The following MAP3K20 variants were observed in gnomAD, a reference collection of about 807,000 sequenced individuals.
The protein encoded by MAP3K20 is HCCS-4.
A neutral mutation model predicts 85.7 loss-of-function variants in MAP3K20; 40 were observed. That is an observed-to-expected ratio of 0.47 (90% CI 0.36 to 0.61). MAP3K20 has a LOEUF of 0.61. Ranked by LOEUF, MAP3K20 falls within the 20% of genes least tolerant of loss-of-function variation. The probability of loss-of-function intolerance (pLI) is 0.00; values close to 1 mark genes in which losing one functional copy is unlikely to be tolerated. For synonymous variants in MAP3K20, 325 were observed against 327.7 expected (o/e 0.99, Z 0.09); for missense variants, 817 against 961.7 (o/e 0.85, Z 1.99).
At chr2:173,099,330 G>GTT (rs1379936940) in intron 2 of MAP3K20, among the ~76,000 whole-genome samples, 2 of 106,730 alleles carry the variant, frequency 1.9e-5, no homozygotes, top group African/African-American at 8.9e-5. Flanking sequence ...TTTGTGTTTT[G>GTT]TTTTGTTTTT....
intron 2 of MAP3K20, among the ~76,000 whole-genome samples, chr2:173,132,972 G>T (rs1688660211): frequency 6.6e-6 from 1 of 152,120 alleles, no homozygotes; most frequent in Non-Finnish European, 1.5e-5. Context: ...CATACAGTAG[G>T]TACTCAAAAG....
chr2:173,121,598 A>G (rs1688291823), intron 2 of MAP3K20, among the ~76,000 whole-genome samples: 2 of 151,948 alleles, frequency 1.3e-5, no homozygotes, highest in Admixed American at 6.6e-5. Flanking sequence ...CGTGTTAGCC[A>G]GGATGGTCTC....
Position 173,235,126 on chromosome 2 carries a change from T to C in MAP3K20, c.1203+2667T>C, listed in dbSNP as rs554346088. Among the ~76,000 whole-genome samples, 6 of 152,174 alleles carry C rather than the reference T, an allele frequency of 3.9e-5. No homozygotes were observed. In the South Asian group the frequency reaches 8.3e-4, roughly 21 times the overall value. ...AAGAATTTACCAAGACAGTCGTAGG[T>C]AAAGAAAGGCAGATTTATTAGAGAA... On this transcript the variant is annotated intron_variant, in intron 14 of 19. Coordinates refer to ENST00000375213, the MANE Select transcript of MAP3K20 (RefSeq NM_016653.3).
At chr2:173,256,056 C>T (rs960112203) in intron 16 of MAP3K20, among the ~76,000 whole-genome samples, 5 of 152,250 alleles carry the variant, frequency 3.3e-5, no homozygotes, top group Non-Finnish European at 7.3e-5. Flanking sequence ...CTTCACTAAT[C>T]GGCTTTCCGT....
At chr2:173,196,334 C>A (rs1217025551) in intron 7 of MAP3K20, among the ~76,000 whole-genome samples, 1 of 152,142 alleles carries the variant, frequency 6.6e-6, no homozygotes, top group Non-Finnish European at 1.5e-5. Context: ...AGCCTCCCTC[C>A]CTGTGTAGGT....
At chr2:173,214,665 G>A (rs923970247) in intron 10 of MAP3K20, among the ~76,000 whole-genome samples, 1 of 152,118 alleles carries the variant, frequency 6.6e-6, no homozygotes, top group Non-Finnish European at 1.5e-5. Flanking sequence ...GAGGAAAGAA[G>A]ATAATTACGG....
At chr2:173,219,827 G>A (rs1174829394) in intron 11 of MAP3K20, among the ~76,000 whole-genome samples, 1 of 152,074 alleles carries the variant, frequency 6.6e-6, no homozygotes, top group African/African-American at 2.4e-5. Flanking sequence ...CCAGCACTTT[G>A]GGAGGCTGAG....
chr2:173,266,086 G>A lies in MAP3K20; in HGVS notation c.1739G>A (p.Arg580Gln), dbSNP rs776656628. The change falls in exon 20 of 20, where the codon CGG becomes CAG. Residue 580 changes from arginine to glutamine, a missense_variant. Physicochemically the swap from Arg to Gln is conservative, Grantham distance 43. Around this residue, in one of 4 missense-constraint regions of MAP3K20, gnomAD observed 454 missense variants for 476.9 expected, o/e 0.95. Transcript: ENST00000375213. ...CAGTGGTTAGATACTCTGAGGATGC[G>A]GCAGATTGCATCCAACACTTCTTTA... Reference protein sequence around the residue: ...DCQWLDTLRMRQIASNTSLQR... With the variant: ...DCQWLDTLRMQQIASNTSLQR... 8 of 1,594,344 alleles carry A rather than the reference G, an allele frequency of 5.0e-6. No individual in the cohort carries two copies. The East Asian group carries it at 9.0e-5, about 18-fold the overall frequency.
At chr2:173,219,934 G>A (rs957246167) in intron 11 of MAP3K20, among the ~76,000 whole-genome samples, 1 of 152,048 alleles carries the variant, frequency 6.6e-6, no homozygotes, top group Non-Finnish European at 1.5e-5. Flanking sequence ...TGGGCGTGGT[G>A]GCGGGCGCCT....
rs761570456 is a variant in MAP3K20 at position 173,191,138 on chromosome 2, C to T, written c.543C>T (p.Leu181=). Residue 181 remains leucine, a synonymous_variant, in exon 7 of 20, where the codon CTC becomes CTT. Coordinates refer to ENST00000375213, the MANE Select transcript of MAP3K20 (RefSeq NM_016653.3). ...TGGCTCCAGAAGTTATCCAGAGTCT[C>T]CCTGTGTCAGAAACTTGTGACACAT... The part of the protein sequence containing the change: ...PWMAPEVIQS[L]PVSETCDTYS... The T allele has an allele frequency of 8.9e-5, 144 of 1,613,862 alleles. No homozygotes were observed. In the Admixed American group the frequency reaches 2.3e-3, roughly 26 times the overall value.
At chr2:173,161,748 T>A (rs1016359575) in intron 2 of MAP3K20, among the ~76,000 whole-genome samples, 2 of 152,188 alleles carry the variant, frequency 1.3e-5, no homozygotes, top group Non-Finnish European at 2.9e-5. Flanking sequence ...ATTTCCAGTA[T>A]CCACATCTTT....
At chr2:173,186,381 CAGAAG>C (rs1373196930) in intron 4 of MAP3K20, among the ~76,000 whole-genome samples, 2 of 152,082 alleles carry the variant, frequency 1.3e-5, no homozygotes, top group Non-Finnish European at 2.9e-5. Flanking sequence ...AACTTCTTAT[CAGAAG>C]AGAAATTTCC....
At chr2:173,231,860 AC>A (rs1289389594) in intron 12 of MAP3K20, among the ~76,000 whole-genome samples, 1 of 152,204 alleles carries the variant, frequency 6.6e-6, no homozygotes, top group Non-Finnish European at 1.5e-5. Flanking sequence ...TCCTGAGTAA[AC>A]TGGTGCCCCT....
chr2:173,234,994 G>A (rs1265807398), intron 14 of MAP3K20, among the ~76,000 whole-genome samples: 1 of 152,098 alleles, frequency 6.6e-6, no homozygotes, highest in Non-Finnish European at 1.5e-5. Flanking sequence ...GGAGAGAAGG[G>A]GAAGATGTCA....
intron 2 of MAP3K20, among the ~76,000 whole-genome samples, chr2:173,142,635 AAC>A (rs140429600): frequency 0.017 from 2,548 of 152,220 alleles, 39 homozygotes; most frequent in South Asian, 0.029. Context: ...CCCACAAAAA[AAC>A]AAAACAAAAG....
At chr2:173,135,937 G>C (rs1024372148) in intron 2 of MAP3K20, among the ~76,000 whole-genome samples, 1 of 152,130 alleles carries the variant, frequency 6.6e-6, no homozygotes, top group African/African-American at 2.4e-5. Context: ...TAGATTATTA[G>C]ACTTGCTTTA....
intron 11 of MAP3K20, chr2:173,223,094 G>A: frequency 2.0e-6 from 2 of 985,408 alleles, no homozygotes; most frequent in South Asian, 4.7e-5. Flanking sequence ...AGCGTGACGT[G>A]TTTCTAATGC....
chr2:173,238,546 T>C, intron 15 of MAP3K20, 111 bp downstream of exon 15: 1 of 961,902 alleles, frequency 1.0e-6, no homozygotes, highest in South Asian at 1.6e-5. Context: ...AAGTGAAATT[T>C]CATCATATCT....
chr2:173,192,055 C>T (rs1401786450), intron 7 of MAP3K20, among the ~76,000 whole-genome samples: 1 of 152,198 alleles, frequency 6.6e-6, no homozygotes, highest in African/African-American at 2.4e-5. Flanking sequence ...AATTCCCTGT[C>T]TTTACATCTC....
Sources: allele counts gnomAD v4.1 joint callset (sites outside exome capture counted in the v4.1 genomes callset), GRCh38; gene constraint gnomAD v4.1.1; regional missense constraint gnomAD v4.1.1; transcripts MANE v1.5; gene names NCBI Gene and HGNC (gene_info 2026-07-23, HGNC 2026-07-21).